ABCB4: variants seen among roughly 807,000 people sequenced by gnomAD.
The protein encoded by ABCB4 is ATP binding cassette subfamily B member 4.
In ABCB4, 76 loss-of-function variants were observed where a neutral mutation model predicts 145.7. The observed-to-expected ratio is 0.52, with a 90% CI of 0.43 to 0.63. The LOEUF is 0.63. ABCB4 is among the 30% of genes least tolerant of loss of function. The pLI is 0.00. For synonymous variants in ABCB4, 517 were observed against 566.8 expected, an observed-to-expected ratio of 0.91 and a Z score of 1.25; for missense variants, 1,234 against 1,553.1, an observed-to-expected ratio of 0.79 and a Z score of 3.45.
intron 3 of ABCB4, among the ~76,000 whole-genome samples, chr7:87,468,373 A>C (rs1466353625): frequency 6.6e-6 from 1 of 151,984 alleles, no homozygotes; most frequent in Non-Finnish European, 1.5e-5. Flanking sequence ...GAATAGACCA[A>C]TAACGGGCTC....
the ABCB4 span, among the ~76,000 whole-genome samples, chr7:87,377,810 A>G: frequency 6.6e-6 from 1 of 152,230 alleles, no homozygotes; most frequent in Non-Finnish European, 1.5e-5. Flanking sequence ...ATATATTTAT[A>G]GAGTTCAAGA....
intron 5 of ABCB4, among the ~76,000 whole-genome samples, chr7:87,453,871 T>A (rs1811931483): frequency 6.6e-6 from 1 of 152,180 alleles, no homozygotes. Context: ...GCCCTTTCCA[T>A]ATTGATTTTT....
chr7:87,451,428 C>T (rs1303484401), intron 7 of ABCB4, among the ~76,000 whole-genome samples, 195 bp downstream of exon 7: 1 of 152,130 alleles, frequency 6.6e-6, no homozygotes, highest in Non-Finnish European at 1.5e-5. Context: ...AGTCACCACA[C>T]CCAGCCTGTG....
rs1807799076 is a variant in ABCB4 at position 87,401,789 on chromosome 7, T to C, written c.*307A>G. 1.1e-5 allele frequency: 5 copies of C among 453,556 alleles called. No homozygotes were observed. The highest frequency in any genetic ancestry group is 9.9e-5 in the South Asian group (5 of 50,600). The allele number at this position is 453,556 out of a possible 1,614,324, so 28.1% of individuals were successfully genotyped here. On this transcript the variant is annotated 3_prime_UTR_variant, in exon 28 of 28. Coordinates refer to ENST00000649586, the MANE Select transcript of ABCB4 (RefSeq NM_000443.4). ...CAACCCATTCAGGACCATAAGACCA[T>C]TTCCCTATGTCTGTGGCTTCTATAT...
chr7:87,376,037 T>C, the ABCB4 span: 1 of 1,342,108 alleles, frequency 7.5e-7, no homozygotes, highest in Admixed American at 2.6e-5. Context: ...TTTTTTTTCT[T>C]TTTCTACCTT....
intron 15 of ABCB4, among the ~76,000 whole-genome samples, chr7:87,429,446 A>G (rs2116587849): frequency 6.6e-6 from 1 of 152,332 alleles, no homozygotes; most frequent in Non-Finnish European, 1.5e-5. Flanking sequence ...ACTTTTCCTA[A>G]GAAAGTAAGC....
chr7:87,449,942 A>G, intron 8 of ABCB4, 26 bp downstream of exon 8: 4 of 1,614,058 alleles, frequency 2.5e-6, no homozygotes, highest in Non-Finnish European at 3.4e-6. Context: ...CATTCCTTAA[A>G]CCAGTGGCTA....
At chr7:87,375,537 C>T in the ABCB4 span, 12 of 806,136 alleles carry the variant, frequency 1.5e-5, no homozygotes, top group South Asian at 3.6e-5. Flanking sequence ...TATATCCAAA[C>T]ATTTAAATAT....
chr7:87,456,981 C>A (rs1426132398), intron 4 of ABCB4, among the ~76,000 whole-genome samples: 8 of 152,052 alleles, frequency 5.3e-5, no homozygotes, highest in Admixed American at 1.3e-4. Flanking sequence ...TAAACGATAT[C>A]TACATGGTCA....
intron 19 of ABCB4, among the ~76,000 whole-genome samples, chr7:87,418,828 C>A (rs1357151767): frequency 6.6e-6 from 1 of 152,130 alleles, no homozygotes; most frequent in African/African-American, 2.4e-5. Flanking sequence ...GAGGGCATCT[C>A]TGGTCTAGGG....
At position 87,401,945 on chromosome 7, in the gene ABCB4, G is replaced by C. The variant is rs545408490; in HGVS notation, c.*151C>G. 1 of 1,077,158 alleles carries C rather than the reference G, an allele frequency of 9.3e-7. No individual in the cohort carries two copies. The highest frequency in any genetic ancestry group is 1.4e-6 in the Non-Finnish European group (1 of 725,314). The allele number at this position is 1,077,158 out of a possible 1,614,324, so 66.7% of individuals were successfully genotyped here. A position where few individuals can be genotyped will look rare whatever the true frequency, so the allele number is the denominator to read the frequency against. On this transcript the variant is annotated 3_prime_UTR_variant, in exon 28 of 28. Transcript: ENST00000649586. ...TTCTAACTCTCAAATTTCAAATGCCGTAATAAACCCCAAATTGGGTCTTCT... is the reference window on the plus strand; with the variant it reads ...TTCTAACTCTCAAATTTCAAATGCCCTAATAAACCCCAAATTGGGTCTTCT...
chr7:87,443,840 G>GCTGA, intron 10 of ABCB4, 67 bp from the exon 11 acceptor site: 2 of 1,305,712 alleles, frequency 1.5e-6, no homozygotes, highest in Non-Finnish European at 2.2e-6. Flanking sequence ...TAAGGAATAT[G>GCTGA]ATTCAGCAAA....
chr7:87,452,908 T>C, intron 6 of ABCB4, 36 bp downstream of exon 6: 1 of 1,599,124 alleles, frequency 6.3e-7, no homozygotes. Flanking sequence ...AGTAATTAAT[T>C]TCTATATGAA....
chr7:87,372,178 GT>G, the ABCB4 span, among the ~76,000 whole-genome samples: 1 of 151,874 alleles, frequency 6.6e-6, no homozygotes, highest in African/African-American at 2.4e-5. Flanking sequence ...CTATTTTTCT[GT>G]TGGCTATTTT....
At chr7:87,392,787 T>C in the ABCB4 span, 1 of 1,613,796 alleles carries the variant, frequency 6.2e-7, no homozygotes, top group Non-Finnish European at 8.5e-7. Context: ...GGTCTTCCTG[T>C]TCCAGAACTC....
In ABCB4 at chr7:87,431,452, G is replaced by A. The variant is rs752034012; in HGVS notation, c.1845C>T (p.Ser615=). Residue 615 remains serine, a synonymous_variant, in exon 15 of 28, where the codon AGC becomes AGT. Transcript: ENST00000649586. ...DGVIVEQGSH[S]ELMKKEGVYF... is the part of the protein sequence containing the mutation. ...ACACCCCTTCCTTCTTCATCAGTTCGCTGTGGCTTCCTTGCTCCACAATTA... is the reference window on the plus strand; with the variant it reads ...ACACCCCTTCCTTCTTCATCAGTTCACTGTGGCTTCCTTGCTCCACAATTA... The A allele has an allele frequency of 2.4e-5, 38 of 1,613,970 alleles. No individual in the cohort carries two copies. The highest frequency in any genetic ancestry group is 2.2e-4 in the East Asian group (10 of 44,892).
the ABCB4 span, among the ~76,000 whole-genome samples, chr7:87,367,166 T>A: frequency 1.3e-5 from 2 of 152,192 alleles, no homozygotes; most frequent in African/African-American, 4.8e-5. Context: ...AATGGGGACG[T>A]TATCCTAGAT....
At chr7:87,405,971 C>G (rs1367727624) in intron 26 of ABCB4, 1 of 400,510 alleles carries the variant, frequency 2.5e-6, no homozygotes, top group Non-Finnish European at 4.6e-6. Context: ...CCATAATTAT[C>G]TCAAAATAAA....
the ABCB4 span, chr7:87,382,449 TC>T: frequency 1.9e-6 from 3 of 1,613,770 alleles, no homozygotes; most frequent in African/African-American, 4.0e-5. Flanking sequence ...TGCCTTTACA[TC>T]TTTTGGCAAA....
Sources: allele counts gnomAD v4.1 joint callset (sites outside exome capture counted in the v4.1 genomes callset), GRCh38; gene constraint gnomAD v4.1.1; transcripts MANE v1.5; gene names NCBI Gene and HGNC (gene_info 2026-07-23, HGNC 2026-07-21).